Variants in LHFPL3 observed in about 807,000 individuals in gnomAD.
LHFPL3 encodes the protein LHFPL tetraspan subfamily member 3, also known as LHFPL tetraspan subfamily member 3 protein.
Under a neutral mutation model 19.3 loss-of-function variants are expected in LHFPL3, and 5 were observed. The observed-to-expected ratio is 0.26, with a 90% CI of 0.14 to 0.54. LHFPL3 has a LOEUF of 0.54. LHFPL3 is among the 20% of genes least tolerant of loss of function. LHFPL3 has a pLI of 0.94. For missense variants in LHFPL3, 249 were observed against 307.4 expected (o/e 0.81, Z 1.42); for synonymous variants, 133 against 126.2 (o/e 1.05, Z -0.36).
intron 1 of LHFPL3, among the ~76,000 whole-genome samples, chr7:104,708,853 C>T (rs1183302172): frequency 1.3e-5 from 2 of 152,118 alleles, no homozygotes; most frequent in African/African-American, 4.8e-5. Flanking sequence ...ACACTGGATA[C>T]CTTTGTAGAC....
At chr7:104,700,778 TTTAA>T in intron 1 of LHFPL3, among the ~76,000 whole-genome samples, 1 of 152,342 alleles carries the variant, frequency 6.6e-6, no homozygotes, top group South Asian at 2.1e-4. Context: ...TTTTTCTAGT[TTTAA>T]TTACCTTTTT....
At chr7:104,564,692 A>T (rs1200223733) in intron 1 of LHFPL3, among the ~76,000 whole-genome samples, 1 of 152,180 alleles carries the variant, frequency 6.6e-6, no homozygotes, top group Non-Finnish European at 1.5e-5. Context: ...GTATGAACCC[A>T]GTTTGCTTTG....
chr7:104,495,406 C>G (rs550310120), intron 1 of LHFPL3, among the ~76,000 whole-genome samples: 1 of 152,024 alleles, frequency 6.6e-6, no homozygotes, highest in Admixed American at 6.5e-5. Context: ...TTTTTTGAGA[C>G]GGAGTCTTGC....
intron 1 of LHFPL3, among the ~76,000 whole-genome samples, chr7:104,733,950 G>T (rs1394351708): frequency 6.6e-6 from 1 of 152,162 alleles, no homozygotes; most frequent in African/African-American, 2.4e-5. Context: ...TTGCTCGTCT[G>T]TAAAGGATTT....
chr7:104,645,059 G>A (rs554044599), intron 1 of LHFPL3, among the ~76,000 whole-genome samples: 1 of 152,250 alleles, frequency 6.6e-6, no homozygotes, highest in Non-Finnish European at 1.5e-5. Flanking sequence ...AGCCATTCAG[G>A]TTTTTCCATT....
intron 1 of LHFPL3, among the ~76,000 whole-genome samples, chr7:104,584,791 T>C (rs1183372053): frequency 6.6e-6 from 1 of 152,066 alleles, no homozygotes; most frequent in East Asian, 1.9e-4. Context: ...CAGGCAGCAG[T>C]CCTTAAGAGA....
intron 1 of LHFPL3, among the ~76,000 whole-genome samples, chr7:104,569,185 C>T (rs1167178749): frequency 6.6e-6 from 1 of 152,104 alleles, no homozygotes; most frequent in Non-Finnish European, 1.5e-5. Context: ...ATCTTCTTCC[C>T]TTTGGCCATG....
chr7:104,420,654 G>A (rs1364435828), intron 1 of LHFPL3, among the ~76,000 whole-genome samples: 1 of 146,428 alleles, frequency 6.8e-6, no homozygotes, highest in Non-Finnish European at 1.5e-5. Context: ...CCGCCTCCCG[G>A]GTTCACGCCA....
At chr7:104,392,368 C>G (rs1791091362) in intron 1 of LHFPL3, among the ~76,000 whole-genome samples, 1 of 151,932 alleles carries the variant, frequency 6.6e-6, no homozygotes, top group East Asian at 1.9e-4. Flanking sequence ...CCATCAATAC[C>G]TAATTTATTG....
At chr7:104,867,127 A>C (rs1200831481) in intron 2 of LHFPL3, among the ~76,000 whole-genome samples, 3 of 152,250 alleles carry the variant, frequency 2.0e-5, no homozygotes, top group African/African-American at 7.2e-5. Flanking sequence ...GAAAGCAGGA[A>C]AGATCTAAAA....
chr7:104,798,485 G>A (rs905303770), intron 2 of LHFPL3: 10 of 152,046 alleles, frequency 6.6e-5, no homozygotes, highest in Non-Finnish European at 1.3e-4. Flanking sequence ...TTTTGAAATG[G>A]GAAAGTTATC....
At chr7:104,776,914 A>G (rs1562989376) in intron 2 of LHFPL3, among the ~76,000 whole-genome samples, 1 of 152,180 alleles carries the variant, frequency 6.6e-6, no homozygotes, top group Non-Finnish European at 1.5e-5. Context: ...CCTTGATTCA[A>G]CTGCAAAAAG....
At chr7:104,880,131 G>C (rs1455359473) in intron 2 of LHFPL3, among the ~76,000 whole-genome samples, 1 of 152,162 alleles carries the variant, frequency 6.6e-6, no homozygotes, top group Non-Finnish European at 1.5e-5. Context: ...GTGATTCCCA[G>C]TGTTGGAGGT....
At chr7:104,632,387 A>G (rs1005845296) in intron 1 of LHFPL3, among the ~76,000 whole-genome samples, 1 of 152,204 alleles carries the variant, frequency 6.6e-6, no homozygotes, top group Middle Eastern at 3.2e-3. Flanking sequence ...TATTTTAATA[A>G]AAGGAAAGAA....
chr7:104,557,994 C>G (rs1032555067), intron 1 of LHFPL3, among the ~76,000 whole-genome samples: 3 of 150,852 alleles, frequency 2.0e-5, no homozygotes, highest in Admixed American at 2.0e-4. Flanking sequence ...CATGTCCCTA[C>G]AAAGGACATG....
intron 1 of LHFPL3, among the ~76,000 whole-genome samples, chr7:104,486,872 A>G (rs936759301): frequency 3.3e-5 from 5 of 152,076 alleles, no homozygotes; most frequent in Admixed American, 6.6e-5. Context: ...ATTCATTGCT[A>G]TAAATATGTC....
intron 2 of LHFPL3, among the ~76,000 whole-genome samples, chr7:104,742,927 G>A (rs1793962178): frequency 6.6e-6 from 1 of 151,950 alleles, no homozygotes; most frequent in African/African-American, 2.4e-5. Context: ...GACCAGCCTG[G>A]CCAATATGGT....
intron 2 of LHFPL3, among the ~76,000 whole-genome samples, chr7:104,771,621 C>T (rs956871294): frequency 1.3e-5 from 2 of 151,684 alleles, no homozygotes; most frequent in Admixed American, 6.6e-5. Flanking sequence ...TTTTACAGCC[C>T]AATGAATATT....
At chr7:104,554,390 C>T (rs574319801) in intron 1 of LHFPL3, among the ~76,000 whole-genome samples, 10 of 151,878 alleles carry the variant, frequency 6.6e-5, no homozygotes, top group Admixed American at 1.3e-4. Flanking sequence ...AACTGGATTT[C>T]CAGCCAACAA....
Sources: gnomAD v4.1 joint callset for allele counts (sites outside exome capture counted in the v4.1 genomes callset) on GRCh38, gnomAD v4.1.1 for gene constraint, MANE v1.5 for transcripts, NCBI Gene and HGNC (gene_info 2026-07-23, HGNC 2026-07-21) for gene names.